The following CUL3 variants were observed in gnomAD, a reference collection of about 807,000 sequenced individuals.
CUL3 encodes the protein cullin 3.
CUL3 carries 19 observed loss-of-function variants against 89.1 expected under a neutral mutation model. The observed-to-expected ratio is 0.21, with a 90% CI of 0.15 to 0.31. CUL3 has a LOEUF of 0.31. CUL3 is among the 10% of genes least tolerant of loss of function. The probability of loss-of-function intolerance (pLI) is 1.00; values close to 1 mark genes in which losing one functional copy is unlikely to be tolerated. For missense variants in CUL3, 469 were observed against 942.3 expected, an observed-to-expected ratio of 0.50 and a Z score of 6.58; for synonymous variants, 351 against 308.4, an observed-to-expected ratio of 1.14 and a Z score of -1.45.
chr2:224,496,083 T>C (rs895174043), intron 12 of CUL3, 117 bp from the exon 13 acceptor site: 7 of 1,125,396 alleles, frequency 6.2e-6, no homozygotes, highest in African/African-American at 4.7e-5. Context: ...CAGGCTACAG[T>C]GCAGTGGCGC....
intron 10 of CUL3, among the ~76,000 whole-genome samples, chr2:224,500,815 G>C (rs982047463): frequency 9.9e-5 from 15 of 151,606 alleles, no homozygotes; most frequent in African/African-American, 3.6e-4. Flanking sequence ...GTAGAGACGG[G>C]GTTTCTCCAT....
rs2106331279 is a variant in CUL3, at chr2:224,584,952, C to T, written c.58G>A (p.Ala20Thr). The T allele has an allele frequency of 6.7e-7, 1 of 1,498,582 alleles. No individual in the cohort carries two copies. The highest frequency in any genetic ancestry group is 9.0e-7 in the Non-Finnish European group (1 of 1,112,812). 92.8% of individuals were successfully genotyped at this position (1,498,582 alleles called of 1,614,324 possible). A position where few individuals can be genotyped will look rare whatever the true frequency, so the allele number is the denominator to read the frequency against. ...SRKDTKMRIRAFPMTMDEKYV... is the reference protein window; with the variant it reads ...SRKDTKMRIRTFPMTMDEKYV... ...GCCGAGGAGAGACTCACCGGAAAGG[C>T]CCGGATCCGCATCTTGGTGTCCTTC... Residue 20 changes from alanine to threonine, a missense_variant, in exon 1 of 16, where the codon GCC becomes ACC. Around this residue, in one of 4 missense-constraint regions of CUL3, gnomAD observed 32 missense variants for 29.7 expected, o/e 1.08. Transcript: ENST00000264414.
intron 1 of CUL3, chr2:224,560,725 A>C (rs1694875829): frequency 6.6e-6 from 1 of 152,398 alleles, no homozygotes; most frequent in South Asian, 2.1e-4. Context: ...CTGGCCTGCT[A>C]TCATCAGGCA....
intron 2 of CUL3, among the ~76,000 whole-genome samples, chr2:224,544,345 CT>C (rs1694223935): frequency 6.6e-6 from 1 of 152,150 alleles, no homozygotes; most frequent in African/African-American, 2.4e-5. Flanking sequence ...AACATGTTGC[CT>C]GTTTCATCTG....
chr2:224,507,071 G>A (rs1303662027), intron 6 of CUL3, 68 bp from the exon 7 acceptor site: 42 of 1,418,532 alleles, frequency 3.0e-5, no homozygotes, highest in Admixed American at 1.1e-4. Flanking sequence ...CTCTGTTCAC[G>A]CTATAATACT....
chr2:224,474,424 G>C (rs1291042350), intron 15 of CUL3, 48 bp from the exon 16 acceptor site: 2 of 1,526,272 alleles, frequency 1.3e-6, no homozygotes, highest in Non-Finnish European at 1.8e-6. Flanking sequence ...ATAAAAATTC[G>C]TATCTTTGAA....
chr2:224,572,835 C>T (rs10177898), intron 1 of CUL3, among the ~76,000 whole-genome samples: 114,262 of 152,018 alleles, frequency 0.75, 43,525 homozygotes, highest in African/African-American at 0.89. Context: ...GACATCGTGT[C>T]GGAAGCAGAC....
chr2:224,488,414 T>A (rs533127874), intron 13 of CUL3, among the ~76,000 whole-genome samples: 52 of 151,716 alleles, frequency 3.4e-4, no homozygotes, highest in African/African-American at 1.2e-3. Context: ...ATAGACACAA[T>A]AAAAAACGAT....
At chr2:224,584,685 G>A (rs1455677786) in intron 1 of CUL3, among the ~76,000 whole-genome samples, 1 of 150,402 alleles carries the variant, frequency 6.6e-6, no homozygotes, top group Non-Finnish European at 1.5e-5. Flanking sequence ...CGACGCCCGC[G>A]GAGCGGCTGA....
chr2:224,552,203 T>G (rs574735420), intron 2 of CUL3, among the ~76,000 whole-genome samples: 1 of 151,590 alleles, frequency 6.6e-6, no homozygotes, highest in East Asian at 2.0e-4. Flanking sequence ...AAAGCAGAAC[T>G]TTTTTCCTCC....
Position 224,585,253 on chromosome 2 carries a change from C to T in CUL3, c.-244G>A, listed in dbSNP as rs1695558117. On this transcript the variant is annotated 5_prime_UTR_variant, in exon 1 of 16. Transcript: ENST00000264414. Reference sequence around the variant, plus strand: ...GGGGGGCTGCGCTGGCGCGGCGGCTCCGCGGGGTCCCCCTCACGTCCGGCT... The same window carrying T: ...GGGGGGCTGCGCTGGCGCGGCGGCTTCGCGGGGTCCCCCTCACGTCCGGCT... 2.5e-6 allele frequency: 1 copy of T among 395,196 alleles called. No individual in the cohort carries two copies. The highest frequency in any genetic ancestry group is 4.5e-5 in the Admixed American group (1 of 22,366). 24.5% of individuals were successfully genotyped at this position (395,196 alleles called of 1,614,324 possible).
At chr2:224,519,776 G>GT (rs1693196776) in intron 3 of CUL3, among the ~76,000 whole-genome samples, 3 of 152,078 alleles carry the variant, frequency 2.0e-5, no homozygotes, top group Admixed American at 2.0e-4. Flanking sequence ...CAGTAAACTT[G>GT]TGATATGCAC....
intron 2 of CUL3, among the ~76,000 whole-genome samples, chr2:224,542,930 A>G (rs1456438042): frequency 6.6e-6 from 1 of 152,174 alleles, no homozygotes; most frequent in South Asian, 2.1e-4. Flanking sequence ...CAAGGAAGCA[A>G]TACTGGGCCA....
chr2:224,536,604 A>G (rs1249732845), intron 2 of CUL3, among the ~76,000 whole-genome samples: 1 of 152,170 alleles, frequency 6.6e-6, no homozygotes, highest in Non-Finnish European at 1.5e-5. Context: ...CTCCAATGCC[A>G]TGATTCACCT....
intron 1 of CUL3, among the ~76,000 whole-genome samples, chr2:224,571,591 CA>C (rs2106321512): frequency 1.3e-5 from 2 of 152,222 alleles, no homozygotes; most frequent in East Asian, 3.9e-4. Flanking sequence ...GTCTATGACA[CA>C]AAATTGTTAC....
intron 11 of CUL3, among the ~76,000 whole-genome samples, chr2:224,499,215 T>G (rs950578885): frequency 6.6e-6 from 1 of 152,220 alleles, no homozygotes; most frequent in East Asian, 1.9e-4. Context: ...AAATACATTT[T>G]GACATCAAGG....
At chr2:224,581,439 T>C (rs1249333352) in intron 1 of CUL3, among the ~76,000 whole-genome samples, 1 of 151,710 alleles carries the variant, frequency 6.6e-6, no homozygotes, top group East Asian at 1.9e-4. Context: ...TTGATGGTAG[T>C]AATCATGTCA....
intron 3 of CUL3, among the ~76,000 whole-genome samples, chr2:224,517,336 A>G (rs2106229624): frequency 6.6e-6 from 1 of 152,312 alleles, no homozygotes; most frequent in Non-Finnish European, 1.5e-5. Context: ...TTCAGACATC[A>G]GGACTTTCTT....
intron 14 of CUL3, chr2:224,478,561 A>C (rs570258459): frequency 5.1e-5 from 21 of 410,370 alleles, no homozygotes; most frequent in African/African-American, 3.8e-4. Flanking sequence ...CTTTGAGATA[A>C]TAAAGTTGAT....
Sources: gnomAD v4.1 joint callset for allele counts (sites outside exome capture counted in the v4.1 genomes callset) on GRCh38, gnomAD v4.1.1 for gene constraint, gnomAD v4.1.1 regional missense constraint, MANE v1.5 for transcripts, NCBI Gene and HGNC (gene_info 2026-07-23, HGNC 2026-07-21) for gene names.